The following PWWP2A variants were observed in gnomAD, a reference collection of about 807,000 sequenced individuals.
PWWP2A encodes PWWP domain containing 2A.
In PWWP2A, 18 loss-of-function variants were observed where a neutral mutation model predicts 48.5. The ratio of observed to expected loss-of-function variants is 0.37; its 90% CI spans 0.26 to 0.55. PWWP2A has a LOEUF of 0.55. Ranked by LOEUF, PWWP2A falls within the 20% of genes least tolerant of loss-of-function variation. The pLI is 0.81. For synonymous variants in PWWP2A, 396 were observed against 387.7 expected, an observed-to-expected ratio of 1.02 and a Z score of -0.25; for missense variants, 867 against 976.4, an observed-to-expected ratio of 0.89 and a Z score of 1.49.
At chr5:160,072,844 T>C (rs958459401), downstream of PWWP2A, among the ~76,000 whole-genome samples, 5 of 150,816 alleles carry the variant, frequency 3.3e-5, no homozygotes, top group African/African-American at 1.2e-4. Context: ...AATGAATAAG[T>C]AAATCAAAAA....
At chr5:160,086,535 T>A (rs73311134), downstream of PWWP2A, among the ~76,000 whole-genome samples, 1,657 of 152,100 alleles carry the variant, frequency 0.011, 30 homozygotes, top group African/African-American at 0.038. Context: ...AATATATATA[T>A]ATATACACAC....
chr5:160,114,467 G>A (rs4504417), intron 1 of PWWP2A, among the ~76,000 whole-genome samples: 99,594 of 149,208 alleles, frequency 0.67, 33,135 homozygotes, highest in East Asian at 0.72. Context: ...TCAAAAAAAA[G>A]AAAAAGAGTT....
the PWWP2A span, among the ~76,000 whole-genome samples, chr5:160,049,215 CATAA>C: frequency 1.3e-5 from 2 of 152,058 alleles, no homozygotes; most frequent in African/African-American, 2.4e-5. Flanking sequence ...TTTTAGTGTC[CATAA>C]ATAGTTTATT....
chr5:160,046,971 C>G, the PWWP2A span, among the ~76,000 whole-genome samples: 1 of 152,074 alleles, frequency 6.6e-6, no homozygotes, highest in East Asian at 1.9e-4. Context: ...GAGATCACGC[C>G]ATTACACTCC....
At chr5:160,067,833 AGTGTTAAG>A (rs1753651130) in intron 2 of PWWP2A, among the ~76,000 whole-genome samples, 2 of 152,358 alleles carry the variant, frequency 1.3e-5, no homozygotes, top group Admixed American at 1.3e-4. Flanking sequence ...GTAGAAAGTA[AGTGTTAAG>A]GAAGGAAGGT....
At chr5:160,081,890 G>GT (rs557867129) in intron 2 of PWWP2A, among the ~76,000 whole-genome samples, 21 of 151,970 alleles carry the variant, frequency 1.4e-4, no homozygotes, top group East Asian at 5.8e-4. Flanking sequence ...CTTTATAATT[G>GT]TTTTTTTAAT....
chr5:160,093,576 T>G lies in PWWP2A; in HGVS notation c.1074A>C (p.Val358=). The G allele has an allele frequency of 6.2e-7, 1 of 1,613,672 alleles. No individual in the cohort carries two copies. The highest frequency in any genetic ancestry group is 8.5e-7 in the Non-Finnish European group (1 of 1,179,826). The change falls in exon 2 of 2, where the codon GTA becomes GTC. Residue 358 remains valine, a synonymous_variant. Coordinates refer to ENST00000307063, the MANE Select transcript of PWWP2A (RefSeq NM_001130864.2). This position sits in a 1 kb window ranked among gnomAD's most constrained non-coding sequence, Gnocchi z 5.8. ...YEDKKRRNES[V]TTVNKKLKTD... ...TTTTCAGTTTTTTGTTCACAGTAGTTACACTTTCATTTCTCCGTTTTTTAT... is the reference window on the plus strand; with the variant it reads ...TTTTCAGTTTTTTGTTCACAGTAGTGACACTTTCATTTCTCCGTTTTTTAT...
intron 1 of PWWP2A, among the ~76,000 whole-genome samples, chr5:160,118,257 G>GT (rs1758330385): frequency 6.6e-6 from 1 of 152,174 alleles, no homozygotes; most frequent in Non-Finnish European, 1.5e-5. Context: ...ACTTCTAACC[G>GT]TAAGAATTAC....
intron 1 of PWWP2A, among the ~76,000 whole-genome samples, chr5:160,105,269 C>A (rs1756759862): frequency 7.1e-6 from 1 of 141,226 alleles, no homozygotes. Context: ...AAAAAACAGG[C>A]TGGGCGCGGT....
chr5:160,061,557 C>G (rs544317355), downstream of PWWP2A, among the ~76,000 whole-genome samples: 92 of 152,202 alleles, frequency 6.0e-4, no homozygotes, highest in Non-Finnish European at 1.1e-3. Flanking sequence ...TAGGTCTTCT[C>G]TAACGCAGAG....
rs749477770 is a variant in PWWP2A, at chr5:160,119,026, C to A, written c.363G>T (p.Pro121=). ...PELPPSPASP[P]EQPPAPEERE... The stretch of plus-strand genomic sequence containing the variant: ...GCTCCTCGGGAGCCGGGGGCTGCTC[C>A]GGCGGCGATGCAGGAGAAGGTGGAA... Residue 121 remains proline (P), a synonymous_variant, in exon 1 of 2, where the codon CCG becomes CCT. Coordinates refer to ENST00000307063, the MANE Select transcript of PWWP2A (RefSeq NM_001130864.2). 10 of 1,598,098 alleles carry A rather than the reference C, an allele frequency of 6.3e-6. No homozygotes were observed. In the East Asian group the frequency reaches 1.6e-4, roughly 26 times the overall value.
At chr5:160,071,653 A>G (rs1329213915), downstream of PWWP2A, among the ~76,000 whole-genome samples, 1 of 152,152 alleles carries the variant, frequency 6.6e-6, no homozygotes, top group African/African-American at 2.4e-5. Flanking sequence ...ACGAGCCCTC[A>G]TCCGTTTCCT....
At chr5:160,064,868 A>C in intron 4 of PWWP2A, 1 of 1,529,006 alleles carries the variant, frequency 6.5e-7, no homozygotes, top group Non-Finnish European at 8.9e-7. Flanking sequence ...AGGCAAGATT[A>C]ATTGGTACCT....
Position 160,119,267 on chromosome 5 carries a change from G to C in PWWP2A, c.122C>G (p.Pro41Arg). Reference protein sequence around the residue: ...PGSEAGTDPLPVTATEASVPD... With the variant: ...PGSEAGTDPLRVTATEASVPD... ...CACAGACGCTTCAGTGGCCGTGACCGGGAGGGGGTCAGTGCCGGCCTCACT... is the reference window on the plus strand; with the variant it reads ...CACAGACGCTTCAGTGGCCGTGACCCGGAGGGGGTCAGTGCCGGCCTCACT... Residue 41 changes from proline to arginine, a missense_variant, in exon 1 of 2, where the codon CCG (proline) becomes CGG (arginine). Coordinates refer to ENST00000307063, the MANE Select transcript of PWWP2A (RefSeq NM_001130864.2). The C allele has an allele frequency of 2.9e-6, 4 of 1,403,440 alleles. No individual in the cohort carries two copies. Among genetic ancestry groups the C allele is most frequent in the Non-Finnish European group, 3.7e-6 (4 of 1,088,884 alleles). 86.9% of individuals were successfully genotyped at this position (1,403,440 alleles called of 1,614,324 possible). A position where few individuals can be genotyped will look rare whatever the true frequency, so the allele number is the denominator to read the frequency against.
downstream of PWWP2A, among the ~76,000 whole-genome samples, chr5:160,058,920 G>A (rs192678825): frequency 1.3e-5 from 2 of 152,168 alleles, no homozygotes; most frequent in African/African-American, 2.4e-5. Flanking sequence ...TCAACAATAG[G>A]CTTAAAATGC....
At chr5:160,113,641 T>C (rs1183873719) in intron 1 of PWWP2A, among the ~76,000 whole-genome samples, 3 of 152,256 alleles carry the variant, frequency 2.0e-5, no homozygotes, top group South Asian at 2.1e-4. Context: ...GAGCTTACTA[T>C]GTATTCCCCG....
chr5:160,088,805 G>A (rs1754841524), downstream of PWWP2A, among the ~76,000 whole-genome samples: 1 of 152,052 alleles, frequency 6.6e-6, no homozygotes, highest in Non-Finnish European at 1.5e-5. Context: ...CAACTTAAAA[G>A]GGAAAACCTA....
chr5:160,060,742 C>T (rs1753358230), downstream of PWWP2A, among the ~76,000 whole-genome samples: 1 of 152,204 alleles, frequency 6.6e-6, no homozygotes, highest in African/African-American at 2.4e-5. Context: ...CTGAGCTCTC[C>T]TGAAGGCTGT....
intron 4 of PWWP2A, among the ~76,000 whole-genome samples, chr5:160,066,296 A>ATTTTTTTTTTTTTTTTTTTTTTTTTTTT: frequency 1.1e-5 from 1 of 94,782 alleles, no homozygotes; most frequent in African/African-American, 4.1e-5. Flanking sequence ...AGTGGTTCTC[A>ATTTTTTTTTTTTTTTTTTTTTTTTTTTT]TTTTTTTTTT....
Sources: allele counts gnomAD v4.1 joint callset (sites outside exome capture counted in the v4.1 genomes callset), GRCh38; gene constraint gnomAD v4.1.1; non-coding constraint Gnocchi (gnomAD v3.1); transcripts MANE v1.5; gene names NCBI Gene and HGNC (gene_info 2026-07-23, HGNC 2026-07-21).